The following DYNLT2B variants were observed in gnomAD, a reference collection of about 807,000 sequenced individuals.
DYNLT2B encodes dynein light chain Tctex-type 2B.
A neutral mutation model predicts 19.5 loss-of-function variants in DYNLT2B; 14 were observed. The observed-to-expected ratio is 0.72, with a 90% CI of 0.47 to 1.12. The LOEUF is 1.12. Ranked by LOEUF, DYNLT2B falls within the 50% of genes most tolerant of loss-of-function variation. The pLI is 0.00. For synonymous variants in DYNLT2B, 70 were observed against 59.7 expected (o/e 1.17, Z -0.79); for missense variants, 133 against 174.7 (o/e 0.76, Z 1.35).
At chr3:196,317,677 TC>T (rs1726913814) in intron 1 of DYNLT2B, among the ~76,000 whole-genome samples, 1 of 152,088 alleles carries the variant, frequency 6.6e-6, no homozygotes, top group Admixed American at 6.6e-5. Context: ...GTGTGCACAG[TC>T]ACCCTCGAAT....
At chr3:196,297,016 AC>A (rs1293488802) in intron 3 of DYNLT2B, among the ~76,000 whole-genome samples, 5 of 151,712 alleles carry the variant, frequency 3.3e-5, no homozygotes, top group Admixed American at 2.6e-4. Context: ...ACACGGTGAA[AC>A]CCCATCTCTA....
intron 3 of DYNLT2B, among the ~76,000 whole-genome samples, chr3:196,306,352 C>T (rs1726485750): frequency 6.6e-6 from 1 of 150,708 alleles, no homozygotes; most frequent in African/African-American, 2.4e-5. Flanking sequence ...CACTTGAGCC[C>T]AGGAGGCCAA....
chr3:196,311,773 A>AC (rs199514511), intron 2 of DYNLT2B, among the ~76,000 whole-genome samples: 1 of 150,856 alleles, frequency 6.6e-6, no homozygotes. Flanking sequence ...AACCTCCTTC[A>AC]CCCCCCAGGT....
chr3:196,293,041 A>C (rs1726133315), intron 4 of DYNLT2B, among the ~76,000 whole-genome samples: 1 of 152,064 alleles, frequency 6.6e-6, no homozygotes, highest in South Asian at 2.1e-4. Flanking sequence ...TTTAGTAGAG[A>C]TGGGGTTTCA....
chr3:196,295,264 G>A (rs1418588953), intron 4 of DYNLT2B, among the ~76,000 whole-genome samples: 1 of 151,846 alleles, frequency 6.6e-6, no homozygotes, highest in Non-Finnish European at 1.5e-5. Context: ...GGGTTCAAGC[G>A]ATTCTCCTGC....
rs1726792110 is a variant in DYNLT2B at position 196,316,345 on chromosome 3, A to G, written c.114-114T>C. On this transcript the variant is annotated intron_variant, in intron 1 of 4. Coordinates refer to ENST00000325318, the MANE Select transcript of DYNLT2B (RefSeq NM_152773.5). ...TAGTACCACTTAATCCTTCTTTTTC[A>G]TATTTTTTATTATAAAATATAAACA... 2.8e-6 allele frequency: 3 copies of G among 1,067,910 alleles called. No individual in the cohort carries two copies. In the East Asian group the frequency reaches 8.5e-5, roughly 30 times the overall value. The allele number at this position is 1,067,910 out of a possible 1,614,324, so 66.2% of individuals were successfully genotyped here. A position where few individuals can be genotyped will look rare whatever the true frequency, so the allele number is the denominator to read the frequency against.
intron 2 of DYNLT2B, among the ~76,000 whole-genome samples, chr3:196,308,361 G>C (rs1726547660): frequency 6.6e-6 from 1 of 152,038 alleles, no homozygotes; most frequent in Admixed American, 6.6e-5. Context: ...GAGAGCATGG[G>C]ATCTCCAAGA....
chr3:196,310,235 G>A (rs774157651), intron 2 of DYNLT2B, among the ~76,000 whole-genome samples: 30 of 151,510 alleles, frequency 2.0e-4, no homozygotes, highest in Non-Finnish European at 4.1e-4. Flanking sequence ...CCAAGTAGTT[G>A]GGATTATAGG....
At position 196,291,264 on chromosome 3, in the gene DYNLT2B, A is replaced by G. The variant is rs1051410855; in HGVS notation, c.*63T>C. ...CATCTTTATTTTGTCAAGATATTTA[A>G]CAATATTAAAAAGTTCAGATTTCTT... On this transcript the variant is annotated 3_prime_UTR_variant, in exon 5 of 5. Coordinates refer to ENST00000325318, the MANE Select transcript of DYNLT2B (RefSeq NM_152773.5). 1 of 1,435,824 alleles carries G rather than the reference A, an allele frequency of 7.0e-7. No homozygotes were observed. The highest frequency in any genetic ancestry group is 1.4e-5 in the African/African-American group (1 of 69,790). 88.9% of individuals were successfully genotyped at this position (1,435,824 alleles called of 1,614,324 possible).
In DYNLT2B at chr3:196,292,910, G is replaced by A. The variant is rs1435638278; in HGVS notation, c.382-1536C>T. Among the ~76,000 whole-genome samples the A allele has an allele frequency of 2.0e-5, 3 of 152,186 alleles. No individual in the cohort carries two copies. In the East Asian group the frequency reaches 5.8e-4, roughly 29 times the overall value. The stretch of plus-strand genomic sequence containing the variant: ...GCCCTCTCGCCCAGGCTGGAGTGCA[G>A]TGGCACAATCTTGGCTCACTGCAAC... On this transcript the variant is annotated intron_variant, in intron 4 of 4. Transcript: ENST00000325318.
Position 196,291,298 on chromosome 3 carries a change from T to G in DYNLT2B, c.*29A>C. ...AAAAGTTCAGATTTCTTCATGGTCATGTCTTTTACCAGCTTTTCAAAGATT... is the reference window on the plus strand; with the variant it reads ...AAAAGTTCAGATTTCTTCATGGTCAGGTCTTTTACCAGCTTTTCAAAGATT... On this transcript the variant is annotated 3_prime_UTR_variant, in exon 5 of 5. Coordinates refer to ENST00000325318, the MANE Select transcript of DYNLT2B (RefSeq NM_152773.5). 2.5e-6 allele frequency: 4 copies of G among 1,595,946 alleles called. No individual in the cohort carries two copies. The Admixed American group carries it at 7.2e-5, about 29-fold the overall frequency.
At chr3:196,301,858 A>C (rs1414652063) in intron 3 of DYNLT2B, among the ~76,000 whole-genome samples, 1 of 152,204 alleles carries the variant, frequency 6.6e-6, no homozygotes, top group African/African-American at 2.4e-5. Flanking sequence ...GAAAGATACA[A>C]TAACTGAAAT....
chr3:196,307,818 G>A (rs1045625168), intron 2 of DYNLT2B, among the ~76,000 whole-genome samples: 1 of 151,150 alleles, frequency 6.6e-6, no homozygotes, highest in South Asian at 2.1e-4. Flanking sequence ...GGTGGCTCAC[G>A]CCTGTAATCC....
intron 2 of DYNLT2B, among the ~76,000 whole-genome samples, chr3:196,313,609 C>G (rs1481910945): frequency 2.6e-5 from 4 of 151,966 alleles, no homozygotes; most frequent in African/African-American, 9.7e-5. Flanking sequence ...AAAATCTTAA[C>G]GATGAACCTT....
intron 3 of DYNLT2B, 143 bp from the exon 4 acceptor site, chr3:196,296,212 T>C (rs1726219482): frequency 7.2e-6 from 5 of 694,166 alleles, no homozygotes; most frequent in South Asian, 7.1e-5. Flanking sequence ...CCACAGAGTA[T>C]TGTATTTGTA....
chr3:196,306,907 G>C (rs376476868), intron 3 of DYNLT2B, 36 bp downstream of exon 3: 1 of 1,573,406 alleles, frequency 6.4e-7, no homozygotes, highest in African/African-American at 1.3e-5. Context: ...AAGAAATATA[G>C]ATGACTAAAA....
At chr3:196,304,196 G>A (rs1056639598) in intron 3 of DYNLT2B, among the ~76,000 whole-genome samples, 1 of 151,638 alleles carries the variant, frequency 6.6e-6, no homozygotes, top group Non-Finnish European at 1.5e-5. Flanking sequence ...GCAGTGGCGT[G>A]ATCTCAGCTC....
chr3:196,309,971 A>G (rs578022700), intron 2 of DYNLT2B, among the ~76,000 whole-genome samples: 46 of 152,148 alleles, frequency 3.0e-4, no homozygotes, highest in Non-Finnish European at 5.6e-4. Flanking sequence ...AAAGAAAAGA[A>G]AGAAAAAAAT....
In DYNLT2B at chr3:196,318,191, G is replaced by A; in HGVS notation, c.-39C>T. On this transcript the variant is annotated 5_prime_UTR_variant, in exon 1 of 5. Transcript: ENST00000325318. The stretch of plus-strand genomic sequence containing the variant: ...GGTCCGGGCGTAGCTCGCGATGAAG[G>A]CCTAGCGGGTTGCGGTCGCGGCCGG... 4.7e-6 allele frequency: 6 copies of A among 1,286,930 alleles called. No individual in the cohort carries two copies. Among genetic ancestry groups the A allele is most frequent in the Non-Finnish European group, 6.3e-6 (6 of 958,444 alleles). 79.7% of individuals were successfully genotyped at this position (1,286,930 alleles called of 1,614,324 possible).
Sources: gnomAD v4.1 joint callset for allele counts (sites outside exome capture counted in the v4.1 genomes callset) on GRCh38, gnomAD v4.1.1 for gene constraint, MANE v1.5 for transcripts, NCBI Gene and HGNC (gene_info 2026-07-23, HGNC 2026-07-21) for gene names.